The following SND1 variants were observed in gnomAD, a reference collection of about 807,000 sequenced individuals.
The protein encoded by SND1 is staphylococcal nuclease domain-containing protein 1.
Under a neutral mutation model 121.7 loss-of-function variants are expected in SND1, and 38 were observed. The ratio of observed to expected loss-of-function variants is 0.31; its 90% confidence interval spans 0.24 to 0.41. The LOEUF (loss-of-function observed/expected upper bound fraction) is 0.41, where lower values mean the gene tolerates loss of function less well. Ranked by LOEUF, SND1 falls within the 10% of genes least tolerant of loss-of-function variation. SND1 has a pLI of 1.00. For missense variants in SND1, 868 were observed against 1,184.6 expected (o/e 0.73, Z 3.92); for synonymous variants, 401 against 447.4 (o/e 0.90, Z 1.31).
chr7:127,793,996 A>G (rs1584577485), intron 10 of SND1, among the ~76,000 whole-genome samples: 1 of 152,200 alleles, frequency 6.6e-6, no homozygotes, highest in Non-Finnish European at 1.5e-5. Context: ...TACTGCATCT[A>G]CATGTCTGTG....
chr7:127,954,440 C>T (rs1264443991), intron 15 of SND1, among the ~76,000 whole-genome samples: 2 of 152,058 alleles, frequency 1.3e-5, no homozygotes, highest in African/African-American at 4.8e-5. Context: ...AATAGTGGCT[C>T]CGATGGTCTC....
chr7:127,711,372 AT>A (rs1212062580), intron 9 of SND1, among the ~76,000 whole-genome samples: 1 of 152,180 alleles, frequency 6.6e-6, no homozygotes, highest in Non-Finnish European at 1.5e-5. Flanking sequence ...TGGATATAGA[AT>A]TTTATTTTAG....
intron 4 of SND1, among the ~76,000 whole-genome samples, chr7:127,699,297 T>C (rs1008456234): frequency 5.9e-5 from 9 of 152,218 alleles, no homozygotes; most frequent in Non-Finnish European, 1.2e-4. Context: ...CAGGCAGTTT[T>C]CTAGGCACTG....
At chr7:128,037,166 G>A (rs1232502632) in intron 16 of SND1, among the ~76,000 whole-genome samples, 1 of 152,204 alleles carries the variant, frequency 6.6e-6, no homozygotes, top group East Asian at 1.9e-4. Flanking sequence ...CACAGTTCTG[G>A]AGGCTAAAAG....
rs1047161140 is a variant in SND1, at chr7:128,088,446, C to CTTT, written c.2419-1021_2419-1019dup. 1.4e-3 allele frequency among the ~76,000 whole-genome samples: 116 copies of CTTT among 80,144 alleles called. 1 individual carries two copies. Among genetic ancestry groups the CTTT allele is most frequent in the Middle Eastern group, 8.6e-3 (1 of 116 alleles). 52.6% of individuals were successfully genotyped at this position (80,144 alleles called of 152,430 possible). A position where few individuals can be genotyped will look rare whatever the true frequency, so the allele number is the denominator to read the frequency against. On this transcript the variant is annotated intron_variant, in intron 21 of 23. Transcript: ENST00000354725. ...TGCACTCTGGCCAGTCCCTATCTCT[C>CTTT]TTTTTTTTTTTTTTTTTTTTTTTTG...
intron 2 of SND1, among the ~76,000 whole-genome samples, chr7:127,691,548 T>C (rs1280844833): frequency 6.6e-6 from 1 of 151,448 alleles, no homozygotes; most frequent in Non-Finnish European, 1.5e-5. Context: ...GTCTCAAAAA[T>C]AAATAAATAA....
chr7:127,839,603 G>A (rs1269681271), intron 11 of SND1, among the ~76,000 whole-genome samples: 2 of 152,122 alleles, frequency 1.3e-5, no homozygotes, highest in African/African-American at 4.8e-5. Flanking sequence ...GCCCATAGCT[G>A]TTCTATACTA....
intron 22 of SND1, 29 bp from the exon 23 acceptor site, chr7:128,091,808 C>T (rs773064061): frequency 6.2e-7 from 1 of 1,613,332 alleles, no homozygotes; most frequent in East Asian, 2.2e-5. Flanking sequence ...GCAACTCTGA[C>T]CACTCCCTTT....
At position 127,818,793 on chromosome 7, in the gene SND1, TA is replaced by T. The variant is rs373143369; in HGVS notation, c.1242+11226del. The stretch of plus-strand genomic sequence containing the variant: ...TCCAAACTTTTAACCACCATTTATT[TA>T]AAAAAGACACCAAAAGAAAAGCAAG... On this transcript the variant is annotated intron_variant, in intron 11 of 23. Transcript: ENST00000354725. Among the ~76,000 whole-genome samples the T allele has an allele frequency of 8.5e-5, 13 of 152,218 alleles. No individual in the cohort carries two copies. In the East Asian group the frequency reaches 2.5e-3, roughly 29 times the overall value.
intron 12 of SND1, among the ~76,000 whole-genome samples, chr7:127,868,854 G>A (rs1358579935): frequency 6.6e-6 from 1 of 151,880 alleles, no homozygotes; most frequent in Non-Finnish European, 1.5e-5. Context: ...TTAGTTTGTG[G>A]GTATTTTTTT....
At chr7:127,892,988 T>C (rs1449037223) in intron 13 of SND1, among the ~76,000 whole-genome samples, 1 of 152,140 alleles carries the variant, frequency 6.6e-6, no homozygotes, top group Non-Finnish European at 1.5e-5. Context: ...TGTTTTAGTG[T>C]TTCTCAGTTA....
At chr7:127,973,297 G>T (rs1482470051) in intron 15 of SND1, among the ~76,000 whole-genome samples, 3 of 152,234 alleles carry the variant, frequency 2.0e-5, no homozygotes, top group African/African-American at 7.2e-5. Context: ...GTCAGAAATG[G>T]AGATTAAAAC....
chr7:128,045,629 A>G (rs1030735348), intron 16 of SND1, among the ~76,000 whole-genome samples: 1 of 152,246 alleles, frequency 6.6e-6, no homozygotes, highest in South Asian at 2.1e-4. Context: ...GCACTAGAAC[A>G]TAGGAGCAGC....
intron 15 of SND1, among the ~76,000 whole-genome samples, chr7:127,960,374 A>G (rs991466421): frequency 6.6e-6 from 1 of 152,182 alleles, no homozygotes; most frequent in African/African-American, 2.4e-5. Flanking sequence ...CTATTGCCAC[A>G]ACCAAAAATG....
intron 11 of SND1, among the ~76,000 whole-genome samples, chr7:127,840,340 A>G (rs980716913): frequency 7.2e-5 from 11 of 152,208 alleles, no homozygotes; most frequent in African/African-American, 2.7e-4. Flanking sequence ...TACGTGCCTC[A>G]TTTGTAAGGG....
intron 11 of SND1, among the ~76,000 whole-genome samples, chr7:127,840,751 A>G (rs986628204): frequency 3.9e-5 from 6 of 152,194 alleles, no homozygotes; most frequent in African/African-American, 1.2e-4. Flanking sequence ...CACAAATGCT[A>G]ATTACACATT....
intron 3 of SND1, among the ~76,000 whole-genome samples, chr7:127,698,245 A>C (rs544527754): frequency 6.6e-6 from 1 of 152,350 alleles, no homozygotes; most frequent in South Asian, 2.1e-4. Context: ...GGAGCAGAGA[A>C]TAGGACATCC....
At chr7:127,837,681 T>C (rs1798891737) in intron 11 of SND1, among the ~76,000 whole-genome samples, 1 of 152,232 alleles carries the variant, frequency 6.6e-6, no homozygotes, top group African/African-American at 2.4e-5. Context: ...CCTCGATGAA[T>C]GGGTGATTGA....
At chr7:127,703,713 A>G (rs184529939) in intron 7 of SND1, among the ~76,000 whole-genome samples, 1 of 152,192 alleles carries the variant, frequency 6.6e-6, no homozygotes, top group East Asian at 1.9e-4. Flanking sequence ...CTCTGTCTCA[A>G]AAAAAAATTA....
Sources: gnomAD v4.1 joint callset for allele counts (sites outside exome capture counted in the v4.1 genomes callset) on GRCh38, gnomAD v4.1.1 for gene constraint, MANE v1.5 for transcripts, NCBI Gene and HGNC (gene_info 2026-07-23, HGNC 2026-07-21) for gene names.